The following ADAMTS17 variants were observed in gnomAD, a reference collection of about 807,000 sequenced individuals.
ADAMTS17 encodes the protein A disintegrin and metalloproteinase with thrombospondin motifs 17.
A neutral mutation model predicts 141.5 loss-of-function variants in ADAMTS17; 113 were observed. That is an observed-to-expected ratio of 0.80 (90% CI 0.69 to 0.93). The LOEUF is 0.93. ADAMTS17 is among the 40% of genes least tolerant of loss of function. The pLI, the probability that ADAMTS17 is intolerant of heterozygous loss-of-function variation, is 0.00. For missense variants in ADAMTS17, 1,659 were observed against 1,517.9 expected, an observed-to-expected ratio of 1.09 and a Z score of -1.54; for synonymous variants, 768 against 630.6, an observed-to-expected ratio of 1.22 and a Z score of -3.27.
At chr15:100,257,833 C>CAACCA (rs1176291402) in intron 6 of ADAMTS17, among the ~76,000 whole-genome samples, 1 of 152,184 alleles carries the variant, frequency 6.6e-6, no homozygotes, top group African/African-American at 2.4e-5. Context: ...CACTGTCATG[C>CAACCA]AACCATCACC....
intron 4 of ADAMTS17, among the ~76,000 whole-genome samples, chr15:100,264,947 G>A (rs2043657689): frequency 6.6e-6 from 1 of 152,168 alleles, no homozygotes; most frequent in Admixed American, 6.5e-5. Flanking sequence ...GGCTAAGGTG[G>A]TAAATTTCAT....
At chr15:100,203,564 G>C (rs927933172) in intron 7 of ADAMTS17, among the ~76,000 whole-genome samples, 4 of 152,196 alleles carry the variant, frequency 2.6e-5, no homozygotes, top group South Asian at 4.1e-4. Context: ...AATTAGCCGG[G>C]TGTGGTGGCA....
chr15:100,245,020 G>A lies in ADAMTS17; in HGVS notation c.1075+9116C>T, dbSNP rs187887954. Reference sequence around the variant, plus strand: ...GAATTGCATGACTAGAGTAAGAGCCGCACTGTAAGGCAATGGAGCATGCAA... The same window carrying A: ...GAATTGCATGACTAGAGTAAGAGCCACACTGTAAGGCAATGGAGCATGCAA... On this transcript the variant is annotated intron_variant, in intron 7 of 21. Transcript: ENST00000268070. 5.2e-3 allele frequency among the ~76,000 whole-genome samples: 792 copies of A among 152,278 alleles called. 4 individuals are homozygous for A. Among genetic ancestry groups the A allele is most frequent in the Middle Eastern group, 0.017 (5 of 294 alleles).
At chr15:99,975,298 C>G (rs1186997259) in intron 21 of ADAMTS17, among the ~76,000 whole-genome samples, 2 of 152,190 alleles carry the variant, frequency 1.3e-5, no homozygotes, top group African/African-American at 4.8e-5. Context: ...CAACCTCTGC[C>G]TCCTGGGTTC....
At chr15:100,296,576 GGGGGGTGTGT>G (rs904606232) in intron 3 of ADAMTS17, among the ~76,000 whole-genome samples, 7 of 55,464 alleles carry the variant, frequency 1.3e-4, no homozygotes, top group African/African-American at 3.8e-4. Flanking sequence ...AGGGGGTGAG[GGGGGGTGTGT>G]GTGTGTGTGT....
chr15:100,132,211 C>T, intron 11 of ADAMTS17, 59 bp from the exon 12 acceptor site: 1 of 1,580,870 alleles, frequency 6.3e-7, no homozygotes, highest in South Asian at 1.1e-5. Flanking sequence ...TCACTCCAGC[C>T]CGCCAGGCCC....
At chr15:100,067,734 C>T (rs1596336276) in intron 15 of ADAMTS17, among the ~76,000 whole-genome samples, 1 of 151,984 alleles carries the variant, frequency 6.6e-6, no homozygotes, top group African/African-American at 2.4e-5. Context: ...ATCTTTTAAC[C>T]GTTTATTAAT....
chr15:100,311,253 G>C (rs1567521570), intron 3 of ADAMTS17, among the ~76,000 whole-genome samples: 1 of 152,174 alleles, frequency 6.6e-6, no homozygotes, highest in South Asian at 2.1e-4. Flanking sequence ...TCAAAAATCA[G>C]ACACTACTGC....
intron 10 of ADAMTS17, among the ~76,000 whole-genome samples, chr15:100,133,826 C>T (rs2038183759): frequency 6.6e-6 from 1 of 152,240 alleles, no homozygotes; most frequent in African/African-American, 2.4e-5. Flanking sequence ...AGGACTGGTA[C>T]CCCGACAGGG....
At chr15:100,190,609 A>G (rs1207982544) in intron 8 of ADAMTS17, among the ~76,000 whole-genome samples, 1 of 152,208 alleles carries the variant, frequency 6.6e-6, no homozygotes, top group Admixed American at 6.5e-5. Flanking sequence ...AGGAACCCCA[A>G]GAGGGGCAGG....
At chr15:100,089,628 T>G (rs891068127) in intron 15 of ADAMTS17, among the ~76,000 whole-genome samples, 2 of 151,982 alleles carry the variant, frequency 1.3e-5, no homozygotes, top group South Asian at 2.1e-4. Flanking sequence ...GTGGCACATA[T>G]ACACCATGGA....
chr15:100,294,083 A>T (rs1413422899), intron 3 of ADAMTS17, among the ~76,000 whole-genome samples: 1 of 152,182 alleles, frequency 6.6e-6, no homozygotes, highest in Non-Finnish European at 1.5e-5. Context: ...TAGATGTGGG[A>T]TTAAGAGGCC....
chr15:100,124,699 G>C (rs28477607), intron 12 of ADAMTS17, among the ~76,000 whole-genome samples: 1 of 152,198 alleles, frequency 6.6e-6, no homozygotes, highest in Admixed American at 6.5e-5. Context: ...GTGCTTCTTT[G>C]TATATTCTAC....
chr15:99,986,664 C>T (rs1044010323), intron 20 of ADAMTS17, among the ~76,000 whole-genome samples: 5 of 152,238 alleles, frequency 3.3e-5, no homozygotes, highest in Non-Finnish European at 5.9e-5. Flanking sequence ...AAACATCATC[C>T]ATTATAATCC....
intron 3 of ADAMTS17, among the ~76,000 whole-genome samples, chr15:100,316,438 C>T (rs2045568570): frequency 6.6e-6 from 1 of 152,336 alleles, no homozygotes; most frequent in Admixed American, 6.5e-5. Context: ...GCCTTCTGTG[C>T]ACACTCCAGT....
chr15:100,027,700 G>T (rs1412699200), intron 18 of ADAMTS17, among the ~76,000 whole-genome samples: 1 of 152,168 alleles, frequency 6.6e-6, no homozygotes, highest in Non-Finnish European at 1.5e-5. Context: ...TCCTGCTCCG[G>T]TAAATTCCTC....
At chr15:100,146,928 C>G (rs993135528) in intron 10 of ADAMTS17, among the ~76,000 whole-genome samples, 3 of 152,180 alleles carry the variant, frequency 2.0e-5, no homozygotes, top group Admixed American at 6.5e-5. Flanking sequence ...GCTCTCAAAA[C>G]TCTGTCTCCT....
intron 7 of ADAMTS17, among the ~76,000 whole-genome samples, chr15:100,203,023 C>T (rs1257097681): frequency 2.6e-5 from 4 of 152,160 alleles, no homozygotes; most frequent in Admixed American, 2.0e-4. Context: ...CATAGTTTCT[C>T]GTAACAAAAC....
chr15:100,139,402 G>A (rs763251037), intron 10 of ADAMTS17, among the ~76,000 whole-genome samples: 1 of 152,116 alleles, frequency 6.6e-6, no homozygotes, highest in Non-Finnish European at 1.5e-5. Flanking sequence ...ATGTCCGAAG[G>A]CATTTTTTGG....
Sources: gnomAD v4.1 joint callset for allele counts (sites outside exome capture counted in the v4.1 genomes callset) on GRCh38, gnomAD v4.1.1 for gene constraint, MANE v1.5 for transcripts, NCBI Gene and HGNC (gene_info 2026-07-23, HGNC 2026-07-21) for gene names.